ABCA4: variants seen among roughly 807,000 people sequenced by gnomAD.
ABCA4 encodes the protein ATP binding cassette subfamily A member 4.
In ABCA4, 196 loss-of-function variants were observed where a neutral mutation model predicts 263.7. The observed-to-expected ratio is 0.74, with a 90% confidence interval of 0.66 to 0.84. The LOEUF (loss-of-function observed/expected upper bound fraction) is 0.84. Ranked by LOEUF, ABCA4 falls within the 40% of genes least tolerant of loss-of-function variation. The pLI is 0.00. For synonymous variants in ABCA4, 1,133 were observed against 1,094.2 expected, an observed-to-expected ratio of 1.04 and a Z score of -0.70; for missense variants, 2,792 against 2,855.1, an observed-to-expected ratio of 0.98 and a Z score of 0.50.
intron 11 of ABCA4, among the ~76,000 whole-genome samples, chr1:94,064,631 G>C (rs1211245139): frequency 6.6e-6 from 1 of 152,186 alleles, no homozygotes; most frequent in Non-Finnish European, 1.5e-5. Flanking sequence ...AGAATCTCTA[G>C]TGGCAGGGCC....
intron 18 of ABCA4, among the ~76,000 whole-genome samples, chr1:94,048,138 C>T (rs1660737543): frequency 6.6e-6 from 1 of 152,298 alleles, no homozygotes; most frequent in Admixed American, 6.5e-5. Context: ...TATGAAATGG[C>T]CCCTGGGGTG....
At chr1:94,111,693 C>T in intron 2 of ABCA4, 114 bp from the exon 3 acceptor site, 2 of 1,235,236 alleles carry the variant, frequency 1.6e-6, no homozygotes, top group Non-Finnish European at 2.3e-6. Flanking sequence ...TGTCCTCCTT[C>T]ATTCTCAGCA....
intron 20 of ABCA4, 132 bp downstream of exon 20, chr1:94,044,481 G>A (rs1660616530): frequency 2.2e-6 from 3 of 1,390,142 alleles, no homozygotes; most frequent in East Asian, 2.4e-5. Context: ...TTAAACATAG[G>A]GGAAACCAAA....
Position 94,037,146 on chromosome 1 carries a change from T to C in ABCA4, c.3812A>G (p.Glu1271Gly), listed in dbSNP as rs1660360744. 6.2e-7 allele frequency: 1 copy of C among 1,614,050 alleles called. No individual in the cohort carries two copies. Among genetic ancestry groups the C allele is most frequent in the Non-Finnish European group, 8.5e-7 (1 of 1,179,890 alleles). Reference sequence around the variant, plus strand: ...AACCAGCTGGAATCTCTACTTTACCTCTTCCAGGGGAGTGTCAGAAATTCC... The same window carrying C: ...AACCAGCTGGAATCTCTACTTTACCCCTTCCAGGGGAGTGTCAGAAATTCC... ...SFGISDTPLE[E>G]IFLKVTEDSD... Residue 1271 changes from glutamate (E) to glycine (G), a missense_variant and splice_region_variant, in exon 25 of 50, where the codon GAG (glutamate) becomes GGG (glycine). Glu to Gly is a moderately conservative substitution (Grantham distance 98). Coordinates refer to ENST00000370225, the MANE Select transcript of ABCA4 (RefSeq NM_000350.3).
intron 26 of ABCA4, among the ~76,000 whole-genome samples, chr1:94,034,470 G>A (rs951553778): frequency 1.3e-5 from 2 of 151,962 alleles, no homozygotes; most frequent in African/African-American, 4.8e-5. Flanking sequence ...CGTAGTAACC[G>A]TGGCAGTCAG....
chr1:94,046,455 C>CAAAAAAAAAAAAAAAAAAAA (rs61333901), intron 19 of ABCA4, among the ~76,000 whole-genome samples: 1 of 42,240 alleles, frequency 2.4e-5, no homozygotes, highest in Non-Finnish European at 4.5e-5. Context: ...GTTACTATCT[C>CAAAAAAAAAAAAAAAAAAAA]AAAAAAAAAA....
At chr1:94,051,525 G>A in intron 17 of ABCA4, 108 bp downstream of exon 17, 2 of 1,015,048 alleles carry the variant, frequency 2.0e-6, no homozygotes, top group South Asian at 2.6e-5. Flanking sequence ...TGACTCATCA[G>A]GAATCACACC....
intron 7 of ABCA4, 76 bp from the exon 8 acceptor site, chr1:94,080,794 G>A (rs1468834295): frequency 8.8e-6 from 14 of 1,594,266 alleles, no homozygotes; most frequent in South Asian, 3.3e-5. Flanking sequence ...ATGCTCCAAC[G>A]TTTGGTTTGA....
At chr1:94,105,189 A>G (rs1662398629) in intron 4 of ABCA4, among the ~76,000 whole-genome samples, 1 of 152,226 alleles carries the variant, frequency 6.6e-6, no homozygotes, top group South Asian at 2.1e-4. Flanking sequence ...TCAGAGTCTC[A>G]ATAAATGTCT....
intron 11 of ABCA4, among the ~76,000 whole-genome samples, chr1:94,074,203 T>C (rs760619488): frequency 6.6e-6 from 1 of 152,148 alleles, no homozygotes; most frequent in African/African-American, 2.4e-5. Context: ...GCTTCAGAAA[T>C]AGCACCACAC....
chr1:94,049,876 C>A (rs545581735), intron 17 of ABCA4, among the ~76,000 whole-genome samples: 1 of 152,114 alleles, frequency 6.6e-6, no homozygotes, highest in South Asian at 2.1e-4. Flanking sequence ...GCAAACTTGG[C>A]ATTTGGTTTA....
At chr1:94,009,256 C>T (rs946584570) in intron 40 of ABCA4, among the ~76,000 whole-genome samples, 1 of 152,156 alleles carries the variant, frequency 6.6e-6, no homozygotes, top group African/African-American at 2.4e-5. Flanking sequence ...GGATCACCGT[C>T]AGGACTAAAA....
At chr1:94,116,709 G>A (rs752913262) in intron 1 of ABCA4, among the ~76,000 whole-genome samples, 4 of 152,056 alleles carry the variant, frequency 2.6e-5, no homozygotes, top group Non-Finnish European at 5.9e-5. Flanking sequence ...TCCCCAGAGC[G>A]GCATCCCTGT....
chr1:94,042,063 C>A (rs2101049523), intron 22 of ABCA4, among the ~76,000 whole-genome samples: 1 of 135,106 alleles, frequency 7.4e-6, no homozygotes, highest in East Asian at 2.2e-4. Context: ...TGCGCCACTG[C>A]ACTCCAGCCT....
At chr1:94,071,851 C>T (rs1295431793) in intron 11 of ABCA4, among the ~76,000 whole-genome samples, 1 of 152,180 alleles carries the variant, frequency 6.6e-6, no homozygotes, top group East Asian at 1.9e-4. Flanking sequence ...TAGTTCATGG[C>T]TCTTGAAATA....
intron 28 of ABCA4, 103 bp downstream of exon 28, chr1:94,030,893 G>T (rs767452291): frequency 1.3e-6 from 2 of 1,534,100 alleles, no homozygotes; most frequent in Non-Finnish European, 1.8e-6. Context: ...TCTCTCATTG[G>T]TGAAGGTCCC....
At chr1:94,082,634 T>G (rs922227224) in intron 7 of ABCA4, among the ~76,000 whole-genome samples, 4 of 152,208 alleles carry the variant, frequency 2.6e-5, no homozygotes, top group African/African-American at 9.7e-5. Flanking sequence ...CCAAGTCAGC[T>G]GCGAATAATG....
chr1:94,083,475 A>G (rs1199914768), intron 6 of ABCA4, 34 bp from the exon 7 acceptor site: 17 of 1,523,558 alleles, frequency 1.1e-5, no homozygotes, highest in Non-Finnish European at 1.5e-5. Context: ...TTTTAAATAT[A>G]TATATGTTTG....
chr1:94,053,649 C>A (rs937144016), intron 16 of ABCA4, among the ~76,000 whole-genome samples: 2 of 152,250 alleles, frequency 1.3e-5, no homozygotes, highest in African/African-American at 4.8e-5. Flanking sequence ...GAAGCATCTA[C>A]AAGTCAAGGA....
Sources: gnomAD v4.1 joint callset for allele counts (sites outside exome capture counted in the v4.1 genomes callset) on GRCh38, gnomAD v4.1.1 for gene constraint, MANE v1.5 for transcripts, NCBI Gene and HGNC (gene_info 2026-07-23, HGNC 2026-07-21) for gene names.